Variants in MSRA observed in about 807,000 individuals in gnomAD.
MSRA encodes mitochondrial peptide methionine sulfoxide reductase.
A neutral mutation model predicts 31.3 loss-of-function variants in MSRA; 54 were observed. The ratio of observed to expected loss-of-function variants is 1.73; its 90% CI spans 1.39 to 2.17. MSRA has a LOEUF of 2.17. Ranked by LOEUF, MSRA falls within the 30% of genes most tolerant of loss-of-function variation. The pLI, the probability that MSRA is intolerant of heterozygous loss-of-function variation, is 0.00. For synonymous variants in MSRA, 169 were observed against 116.5 expected (o/e 1.45, Z -2.90); for missense variants, 507 against 300.9 (o/e 1.69, Z -5.07).
chr8:10,315,970 A>C (rs75380638), intron 4 of MSRA, among the ~76,000 whole-genome samples: 1 of 152,376 alleles, frequency 6.6e-6, no homozygotes, highest in African/African-American at 2.4e-5. Context: ...ACATCTTGTC[A>C]AAATAATTTA....
intron 5 of MSRA, among the ~76,000 whole-genome samples, chr8:10,381,834 C>T (rs995091513): frequency 2.6e-5 from 4 of 152,190 alleles, no homozygotes; most frequent in Non-Finnish European, 5.9e-5. Context: ...AAGTCACTGC[C>T]ATCTTTAGGG....
At chr8:10,376,045 G>A (rs1214106348) in intron 5 of MSRA, among the ~76,000 whole-genome samples, 1 of 152,160 alleles carries the variant, frequency 6.6e-6, no homozygotes, top group Non-Finnish European at 1.5e-5. Flanking sequence ...AGGGCCTGGG[G>A]AAGATTGCGT....
intron 5 of MSRA, among the ~76,000 whole-genome samples, chr8:10,385,604 G>C (rs1039934931): frequency 1.3e-5 from 2 of 152,164 alleles, no homozygotes; most frequent in Non-Finnish European, 2.9e-5. Flanking sequence ...AAGGAGATTA[G>C]GAGGGCCTGG....
At chr8:10,387,422 G>A (rs1433549074) in intron 5 of MSRA, among the ~76,000 whole-genome samples, 2 of 152,308 alleles carry the variant, frequency 1.3e-5, no homozygotes, top group East Asian at 1.9e-4. Flanking sequence ...AATTGTGCAC[G>A]GGAGCCATAC....
intron 2 of MSRA, among the ~76,000 whole-genome samples, chr8:10,223,560 G>C (rs1340748405): frequency 6.6e-6 from 1 of 152,142 alleles, no homozygotes; most frequent in Non-Finnish European, 1.5e-5. Context: ...CCAAACTGTA[G>C]CACATAGAGA....
At chr8:10,123,558 A>G (rs1017849482) in intron 1 of MSRA, among the ~76,000 whole-genome samples, 2 of 152,108 alleles carry the variant, frequency 1.3e-5, no homozygotes, top group African/African-American at 4.8e-5. Flanking sequence ...TTTTGTTGCA[A>G]TTGCTTTTGG....
At chr8:10,072,483 T>C (rs895707865) in intron 1 of MSRA, among the ~76,000 whole-genome samples, 1 of 152,194 alleles carries the variant, frequency 6.6e-6, no homozygotes, top group Admixed American at 6.5e-5. Context: ...CTCTGTGACA[T>C]TGTCATGCTG....
intron 1 of MSRA, among the ~76,000 whole-genome samples, chr8:10,161,479 A>C (rs1467404512): frequency 6.6e-6 from 1 of 152,196 alleles, no homozygotes; most frequent in Non-Finnish European, 1.5e-5. Flanking sequence ...GGTTTTATGC[A>C]GCTTGAACTG....
At chr8:10,329,935 G>C (rs1802593118) in intron 5 of MSRA, among the ~76,000 whole-genome samples, 2 of 151,374 alleles carry the variant, frequency 1.3e-5, no homozygotes, top group African/African-American at 4.9e-5. Flanking sequence ...CTGAAATAAA[G>C]TGGCATACCA....
intron 5 of MSRA, among the ~76,000 whole-genome samples, chr8:10,417,250 C>G (rs1014245927): frequency 2.0e-5 from 3 of 152,126 alleles, no homozygotes; most frequent in Admixed American, 2.0e-4. Context: ...CCCCTTTGAA[C>G]GCGCTCCTTG....
intron 1 of MSRA, among the ~76,000 whole-genome samples, chr8:10,116,712 A>T (rs931776369): frequency 6.6e-6 from 1 of 152,124 alleles, no homozygotes; most frequent in African/African-American, 2.4e-5. Flanking sequence ...TCATGCCTGT[A>T]ATCTCAGCAC....
chr8:10,120,404 G>T lies in MSRA; in HGVS notation c.142+65746G>T, dbSNP rs538552509. 8.5e-5 allele frequency among the ~76,000 whole-genome samples: 13 copies of T among 152,262 alleles called. No homozygotes were observed. In the South Asian group the frequency reaches 2.5e-3, roughly 29 times the overall value. On this transcript the variant is annotated intron_variant, in intron 1 of 5. Transcript: ENST00000317173. ...CCTGTAATTTGCCCATCCGTGTCTG[G>T]TTTCTGACACTGGCACCCTAGAACA...
At chr8:10,347,467 C>T (rs1198131068) in intron 5 of MSRA, among the ~76,000 whole-genome samples, 1 of 152,168 alleles carries the variant, frequency 6.6e-6, no homozygotes, top group Non-Finnish European at 1.5e-5. Context: ...TCTGCCTTGC[C>T]CCCTGCAGCT....
At chr8:10,106,453 A>G (rs1009664119) in intron 1 of MSRA, among the ~76,000 whole-genome samples, 25 of 152,212 alleles carry the variant, frequency 1.6e-4, no homozygotes, top group African/African-American at 6.0e-4. Context: ...TAAAAGTTTT[A>G]AGGAAAACTT....
At chr8:10,104,772 A>T (rs1435649660) in intron 1 of MSRA, among the ~76,000 whole-genome samples, 1 of 152,190 alleles carries the variant, frequency 6.6e-6, no homozygotes, top group African/African-American at 2.4e-5. Context: ...ACCCCCCTTC[A>T]CATCATAGCC....
intron 5 of MSRA, among the ~76,000 whole-genome samples, chr8:10,398,767 A>G (rs1807259509): frequency 6.6e-6 from 1 of 152,228 alleles, no homozygotes; most frequent in African/African-American, 2.4e-5. Context: ...GAAAGGAAAA[A>G]CAGTACGAGG....
In MSRA at chr8:10,149,346, C is replaced by G. The variant is rs534334373; in HGVS notation, c.143-58487C>G. Reference sequence around the variant, plus strand: ...CTGTGTTGACCAGGCTGGTCTCAAACTCCGCGACCTCAGGTGATCCGCCCG... The same window carrying G: ...CTGTGTTGACCAGGCTGGTCTCAAAGTCCGCGACCTCAGGTGATCCGCCCG... On this transcript the variant is annotated intron_variant, in intron 1 of 5. Transcript: ENST00000317173. Among the ~76,000 whole-genome samples the G allele has an allele frequency of 4.6e-5, 7 of 152,216 alleles. No homozygotes were observed. In the South Asian group the frequency reaches 1.2e-3, roughly 27 times the overall value.
At chr8:10,320,945 A>T (rs988413541) in intron 5 of MSRA, among the ~76,000 whole-genome samples, 1 of 152,234 alleles carries the variant, frequency 6.6e-6, no homozygotes, top group Non-Finnish European at 1.5e-5. Context: ...TTACCTCTGT[A>T]AAGACCCGTT....
At chr8:10,213,490 G>A (rs536882113) in intron 2 of MSRA, among the ~76,000 whole-genome samples, 38 of 135,532 alleles carry the variant, frequency 2.8e-4, no homozygotes, top group African/African-American at 1.0e-3. Context: ...AGGCTGGAGT[G>A]CAGTGACGCG....
Sources: allele counts gnomAD v4.1 joint callset (sites outside exome capture counted in the v4.1 genomes callset), GRCh38; gene constraint gnomAD v4.1.1; transcripts MANE v1.5; gene names NCBI Gene and HGNC (gene_info 2026-07-23, HGNC 2026-07-21).